PCBP3: variants seen among roughly 807,000 people sequenced by gnomAD.
PCBP3 encodes poly(rC) binding protein 3, also known as poly(rC)-binding protein 3.
A neutral mutation model predicts 52.7 loss-of-function variants in PCBP3; 25 were observed. That is an observed-to-expected ratio of 0.47 (90% confidence interval 0.35 to 0.66). The LOEUF (loss-of-function observed/expected upper bound fraction) is 0.66, where lower values mean the gene tolerates loss of function less well. Ranked by LOEUF, PCBP3 falls within the 30% of genes least tolerant of loss-of-function variation. PCBP3 has a pLI of 0.01. For missense variants in PCBP3, 391 were observed against 490.3 expected (o/e 0.80, Z 1.91); for synonymous variants, 162 against 183.0 (o/e 0.89, Z 0.93).
chr21:45,687,057 TAAAG>T (rs973102619), intron 2 of PCBP3, among the ~76,000 whole-genome samples: 2 of 151,978 alleles, frequency 1.3e-5, no homozygotes, highest in Non-Finnish European at 2.9e-5. Flanking sequence ...TCAAGAAAGA[TAAAG>T]AAAACCATAT....
intron 3 of PCBP3, among the ~76,000 whole-genome samples, chr21:45,753,634 CT>C (rs1439963499): frequency 6.6e-6 from 1 of 151,972 alleles, no homozygotes; most frequent in African/African-American, 2.4e-5. Flanking sequence ...TCTTCCTTCC[CT>C]TCTTTTGATT....
chr21:45,835,291 C>T (rs558964554), intron 4 of PCBP3, among the ~76,000 whole-genome samples: 2 of 152,272 alleles, frequency 1.3e-5, no homozygotes, highest in East Asian at 1.9e-4. Context: ...TGGGAGCCTC[C>T]TGCACAAGAC....
chr21:45,703,195 T>C (rs537450406), intron 2 of PCBP3, among the ~76,000 whole-genome samples: 2 of 152,258 alleles, frequency 1.3e-5, no homozygotes, highest in Non-Finnish European at 2.9e-5. Flanking sequence ...CCAAACTCTG[T>C]TGATGTTGTG....
At chr21:45,785,048 A>T (rs2091004590) in intron 4 of PCBP3, among the ~76,000 whole-genome samples, 2 of 145,516 alleles carry the variant, frequency 1.4e-5, no homozygotes, top group African/African-American at 5.2e-5. Flanking sequence ...ATCATCTGAG[A>T]TGTGGGGAGC....
At chr21:45,935,618 G>A (rs971679291) in intron 16 of PCBP3, 41 of 462,738 alleles carry the variant, frequency 8.9e-5, no homozygotes, top group East Asian at 3.7e-4. Flanking sequence ...GCCCTGGTGC[G>A]GGCCAAACCT....
intron 2 of PCBP3, among the ~76,000 whole-genome samples, chr21:45,734,267 G>C (rs911051529): frequency 6.6e-6 from 1 of 152,264 alleles, no homozygotes; most frequent in African/African-American, 2.4e-5. Context: ...CCAGATCTGT[G>C]TGAGCCATAG....
chr21:45,765,200 A>G (rs1430175882), intron 4 of PCBP3, among the ~76,000 whole-genome samples: 1 of 152,056 alleles, frequency 6.6e-6, no homozygotes, highest in Non-Finnish European at 1.5e-5. Flanking sequence ...ATCCCTGTGG[A>G]CTTGGGTGAC....
intron 4 of PCBP3, among the ~76,000 whole-genome samples, chr21:45,758,212 G>T (rs2088261727): frequency 6.6e-6 from 1 of 152,238 alleles, no homozygotes; most frequent in East Asian, 1.9e-4. Flanking sequence ...ACTATGTTTT[G>T]GATCCTGGAG....
At chr21:45,685,915 C>CTTTT (rs1168054154) in intron 2 of PCBP3, among the ~76,000 whole-genome samples, 1 of 125,454 alleles carries the variant, frequency 8.0e-6, no homozygotes. Flanking sequence ...GTAAGATGAA[C>CTTTT]TTTTTTTTTT....
At chr21:45,875,283 C>T (rs1040266552) in intron 5 of PCBP3, among the ~76,000 whole-genome samples, 13 of 152,028 alleles carry the variant, frequency 8.6e-5, no homozygotes, top group African/African-American at 2.9e-4. Flanking sequence ...GCTGGGGGCC[C>T]CTCCGTGCTG....
At chr21:45,892,193 A>G (rs80202216) in intron 5 of PCBP3, among the ~76,000 whole-genome samples, 22,929 of 152,034 alleles carry the variant, frequency 0.15, 1,852 homozygotes, top group Middle Eastern at 0.29. Flanking sequence ...CGTTTGATGG[A>G]CGACGGGCAG....
chr21:45,882,535 A>G lies in PCBP3; in HGVS notation c.11-13673A>G, dbSNP rs115514925. 6.8e-3 allele frequency among the ~76,000 whole-genome samples: 1,034 copies of G among 151,684 alleles called. 12 individuals carry two copies. The highest frequency in any genetic ancestry group is 0.024 in the African/African-American group (971 of 41,294). On this transcript the variant is annotated intron_variant, in intron 5 of 17. Coordinates refer to ENST00000681687, the MANE Select transcript of PCBP3 (RefSeq NM_001384156.1). ...AAGCTTTTCAGTTTGATATAATCCC[A>G]TTTCTCTACTTTCTGCTTTTGTTGC...
intron 2 of PCBP3, among the ~76,000 whole-genome samples, chr21:45,706,413 A>G (rs1389504899): frequency 6.6e-6 from 1 of 151,822 alleles, no homozygotes; most frequent in East Asian, 1.9e-4. Context: ...GGAGCTCACT[A>G]TTGCTGCTAG....
At chr21:45,785,723 C>T (rs1439407830) in intron 4 of PCBP3, among the ~76,000 whole-genome samples, 4 of 152,108 alleles carry the variant, frequency 2.6e-5, no homozygotes, top group Admixed American at 6.5e-5. Context: ...ATTGAGAAAT[C>T]GGATGGTTGC....
At chr21:45,882,708 G>A (rs2095431168) in intron 5 of PCBP3, among the ~76,000 whole-genome samples, 1 of 152,156 alleles carries the variant, frequency 6.6e-6, no homozygotes, top group Admixed American at 6.5e-5. Context: ...TATAGATGGT[G>A]TGAGATGAGG....
In PCBP3 at chr21:45,735,401, C is replaced by T. The variant is rs140376076; in HGVS notation, c.-190C>T. 450 of 152,258 alleles carry T rather than the reference C, an allele frequency of 3.0e-3. 2 individuals are homozygous for T. Among genetic ancestry groups the T allele is most frequent in the African/African-American group, 0.01 (427 of 41,528 alleles). The allele number at this position is 152,258 out of a possible 1,614,324, so 9.4% of individuals were successfully genotyped here. A position where few individuals can be genotyped will look rare whatever the true frequency, so the allele number is the denominator to read the frequency against. On this transcript the variant is annotated 5_prime_UTR_variant, in exon 3 of 18. Transcript: ENST00000681687. The surrounding 1 kb of genome is among the most constrained non-coding windows in gnomAD (Gnocchi z 4.0). Reference sequence around the variant, plus strand: ...CTTCAACTGTTTACAGGACTGTCTACAAGAGAGAAGCTCCCCACGTGGTTC... The same window carrying T: ...CTTCAACTGTTTACAGGACTGTCTATAAGAGAGAAGCTCCCCACGTGGTTC...
chr21:45,692,408 G>A (rs1270295228), intron 2 of PCBP3, among the ~76,000 whole-genome samples: 9 of 150,526 alleles, frequency 6.0e-5, no homozygotes, highest in African/African-American at 2.2e-4. Flanking sequence ...AAAAAAAAAA[G>A]AAGGCACAAA....
chr21:45,883,069 G>A (rs953204274), intron 5 of PCBP3, among the ~76,000 whole-genome samples: 5 of 152,194 alleles, frequency 3.3e-5, no homozygotes, highest in Non-Finnish European at 7.3e-5. Flanking sequence ...CTGTAGTTGT[G>A]TCCTGCGATT....
rs1322149158 is a variant in PCBP3, at chr21:45,817,633, G to A, written c.-125-32328G>A. Among the ~76,000 whole-genome samples, 1 of 152,158 alleles carries A rather than the reference G, an allele frequency of 6.6e-6. No individual in the cohort carries two copies. Among genetic ancestry groups the A allele is most frequent in the African/African-American group, 2.4e-5 (1 of 41,374 alleles). The stretch of plus-strand genomic sequence containing the variant: ...TGACAGTGGACGCAGCTAGAAAGCA[G>A]CCGGCGAGGAGCTCAGCGTGTGTCT... On this transcript the variant is annotated intron_variant, in intron 4 of 17. Coordinates refer to ENST00000681687, the MANE Select transcript of PCBP3 (RefSeq NM_001384156.1). This position sits in a 1 kb window ranked among gnomAD's most constrained non-coding sequence, Gnocchi z 4.3.
Sources: gnomAD v4.1 joint callset for allele counts (sites outside exome capture counted in the v4.1 genomes callset) on GRCh38, gnomAD v4.1.1 for gene constraint, Gnocchi (gnomAD v3.1) non-coding constraint, MANE v1.5 for transcripts, NCBI Gene and HGNC (gene_info 2026-07-23, HGNC 2026-07-21) for gene names.